Variants in EYS observed in about 807,000 individuals in gnomAD.
EYS encodes protein eyes shut homolog.
Under a neutral mutation model 282.1 loss-of-function variants are expected in EYS, and 250 were observed. The observed-to-expected ratio is 0.89, with a 90% CI of 0.80 to 0.98. The LOEUF is 0.98. Among genes scored for constraint, EYS ranks in the 50% least tolerant of loss-of-function variants. The pLI, the probability that EYS is intolerant of heterozygous loss-of-function variation, is 0.00. For missense variants in EYS, 4,016 were observed against 3,709.0 expected (o/e 1.08, Z -2.15); for synonymous variants, 1,355 against 1,282.9 (o/e 1.06, Z -1.20).
chr6:65,591,915 C>T (rs1243669402), intron 2 of EYS, among the ~76,000 whole-genome samples: 6 of 151,956 alleles, frequency 3.9e-5, no homozygotes, highest in Non-Finnish European at 8.8e-5. Context: ...AGACAAGCAC[C>T]ATGTGTCATT....
At chr6:65,311,035 A>G (rs1440429614) in intron 11 of EYS, among the ~76,000 whole-genome samples, 1 of 152,046 alleles carries the variant, frequency 6.6e-6, no homozygotes, top group Non-Finnish European at 1.5e-5. Context: ...TGAATACGTA[A>G]TTTTTAATGG....
At chr6:65,353,678 C>T (rs930392712) in intron 8 of EYS, 61 bp from the exon 9 acceptor site, 2 of 1,397,524 alleles carry the variant, frequency 1.4e-6, no homozygotes, top group African/African-American at 1.4e-5. Flanking sequence ...TCAATATATA[C>T]ATATAACATA....
chr6:65,064,452 TATATG>T (rs1338493460), intron 12 of EYS, among the ~76,000 whole-genome samples: 17 of 146,186 alleles, frequency 1.2e-4, no homozygotes, highest in Admixed American at 3.5e-4. Flanking sequence ...CTATATACTG[TATATG>T]ATATGATATA....
intron 19 of EYS, among the ~76,000 whole-genome samples, chr6:64,870,423 C>T (rs564857872): frequency 2.9e-5 from 4 of 138,016 alleles, no homozygotes; most frequent in South Asian, 4.8e-4. Flanking sequence ...CCTCCTCCCC[C>T]CTCCAAAAAA....
chr6:64,500,246 A>C (rs1776996407), intron 26 of EYS, among the ~76,000 whole-genome samples: 1 of 152,154 alleles, frequency 6.6e-6, no homozygotes, highest in Admixed American at 6.5e-5. Flanking sequence ...ACCACAAGGT[A>C]AATGGAATAG....
chr6:65,515,567 T>G (rs1326583944), intron 2 of EYS, among the ~76,000 whole-genome samples: 1 of 151,540 alleles, frequency 6.6e-6, no homozygotes, highest in Non-Finnish European at 1.5e-5. Context: ...ATAGACTGGA[T>G]TAAGAAAATG....
intron 28 of EYS, among the ~76,000 whole-genome samples, chr6:64,433,944 T>C (rs954949913): frequency 5.9e-5 from 9 of 151,996 alleles, no homozygotes; most frequent in Admixed American, 3.9e-4. Context: ...AGCTTTCAAA[T>C]ATGCAAAATG....
chr6:63,807,312 T>A (rs939944591), intron 36 of EYS, among the ~76,000 whole-genome samples: 3 of 152,208 alleles, frequency 2.0e-5, no homozygotes, highest in Admixed American at 6.5e-5. Context: ...GAGCTTATGT[T>A]GTTTCCTTCT....
intron 5 of EYS, among the ~76,000 whole-genome samples, chr6:65,428,114 G>T (rs766537796): frequency 6.6e-6 from 1 of 151,796 alleles, no homozygotes; most frequent in Non-Finnish European, 1.5e-5. Context: ...ATGTACAATG[G>T]CCTCTTTTAT....
chr6:64,973,068 T>G lies in EYS; in HGVS notation c.2259+24514A>C, dbSNP rs924806412. ...ATTTATAATAAATATGGATCTGACT[T>G]CACTATTATTTTGTACTATATGATT... On this transcript the variant is annotated intron_variant, in intron 14 of 42. Transcript: ENST00000503581. Among the ~76,000 whole-genome samples, 8 of 152,204 alleles carry G rather than the reference T, an allele frequency of 5.3e-5. No individual in the cohort carries two copies. In the South Asian group the frequency reaches 1.4e-3, roughly 28 times the overall value.
chr6:65,611,427 G>T (rs564165124), intron 2 of EYS, among the ~76,000 whole-genome samples: 1 of 152,020 alleles, frequency 6.6e-6, no homozygotes, highest in East Asian at 1.9e-4. Flanking sequence ...ATATAAGAAA[G>T]ACTATTTCTT....
intron 12 of EYS, among the ~76,000 whole-genome samples, chr6:65,061,157 G>A (rs1315421104): frequency 6.6e-6 from 1 of 151,874 alleles, no homozygotes; most frequent in Non-Finnish European, 1.5e-5. Flanking sequence ...AGGTGTACAT[G>A]TATATAATTT....
At chr6:65,521,571 C>T (rs763547711) in intron 2 of EYS, among the ~76,000 whole-genome samples, 1 of 151,980 alleles carries the variant, frequency 6.6e-6, no homozygotes, top group Non-Finnish European at 1.5e-5. Context: ...ACTTACATAG[C>T]CAAACATACC....
At chr6:64,086,669 A>G (rs1490240690) in intron 31 of EYS, among the ~76,000 whole-genome samples, 2 of 152,254 alleles carry the variant, frequency 1.3e-5, no homozygotes, top group East Asian at 1.9e-4. Context: ...TTGTATCCGC[A>G]ACTTTTTTAG....
intron 22 of EYS, among the ~76,000 whole-genome samples, chr6:64,627,080 G>C (rs1260213689): frequency 6.6e-6 from 1 of 152,150 alleles, no homozygotes; most frequent in Admixed American, 6.6e-5. Flanking sequence ...AGAACTGATG[G>C]AGGATCCACA....
At chr6:65,187,329 T>G (rs1004706304) in intron 12 of EYS, among the ~76,000 whole-genome samples, 1 of 151,710 alleles carries the variant, frequency 6.6e-6, no homozygotes, top group African/African-American at 2.4e-5. Flanking sequence ...GAGGTTAATT[T>G]AACAATTTCT....
intron 12 of EYS, among the ~76,000 whole-genome samples, chr6:65,201,414 T>A (rs1375239406): frequency 6.6e-6 from 1 of 152,138 alleles, no homozygotes; most frequent in East Asian, 1.9e-4. Flanking sequence ...TGTAACTAAT[T>A]TCCTTTATAA....
chr6:64,724,492 C>T (rs1771688084), intron 22 of EYS, among the ~76,000 whole-genome samples: 1 of 152,184 alleles, frequency 6.6e-6, no homozygotes, highest in South Asian at 2.1e-4. Flanking sequence ...GTTTGATATG[C>T]TATCACCTTA....
At chr6:63,994,584 T>A (rs1453736593) in intron 34 of EYS, among the ~76,000 whole-genome samples, 2 of 151,860 alleles carry the variant, frequency 1.3e-5, no homozygotes, top group Admixed American at 1.3e-4. Flanking sequence ...AACAAAAGAA[T>A]GAAGACAAAT....
Sources: allele counts gnomAD v4.1 joint callset (sites outside exome capture counted in the v4.1 genomes callset), GRCh38; gene constraint gnomAD v4.1.1; transcripts MANE v1.5; gene names NCBI Gene and HGNC (gene_info 2026-07-23, HGNC 2026-07-21).